NOS1AP: variants seen among roughly 807,000 people sequenced by gnomAD.
The protein encoded by NOS1AP is carboxyl-terminal PDZ ligand of neuronal nitric oxide synthase protein.
A neutral mutation model predicts 56.2 loss-of-function variants in NOS1AP; 21 were observed. That is an observed-to-expected ratio of 0.37 (90% CI 0.26 to 0.54). The LOEUF is 0.54. Ranked by LOEUF, NOS1AP falls within the 20% of genes least tolerant of loss-of-function variation. The pLI, the probability that NOS1AP is intolerant of heterozygous loss-of-function variation, is 0.84. For missense variants in NOS1AP, 522 were observed against 657.8 expected (o/e 0.79, Z 2.26); for synonymous variants, 270 against 274.6 (o/e 0.98, Z 0.17).
At chr1:162,310,767 C>T (rs1655999981) in intron 4 of NOS1AP, among the ~76,000 whole-genome samples, 1 of 152,182 alleles carries the variant, frequency 6.6e-6, no homozygotes. Flanking sequence ...TACCTTCTAC[C>T]TGTCAACCCT....
At chr1:162,202,174 T>C (rs1052267565) in intron 2 of NOS1AP, among the ~76,000 whole-genome samples, 4 of 152,152 alleles carry the variant, frequency 2.6e-5, no homozygotes, top group African/African-American at 7.2e-5. Flanking sequence ...ATGTTTTATA[T>C]GAAGAAGAAG....
chr1:162,297,838 G>A (rs1281915424), intron 3 of NOS1AP, among the ~76,000 whole-genome samples: 1 of 152,172 alleles, frequency 6.6e-6, no homozygotes, highest in Non-Finnish European at 1.5e-5. Context: ...ATCAACATCA[G>A]AAGATTTTGA....
chr1:162,158,930 T>G (rs924814073), intron 2 of NOS1AP, among the ~76,000 whole-genome samples: 1 of 152,154 alleles, frequency 6.6e-6, no homozygotes, highest in Non-Finnish European at 1.5e-5. Context: ...TTGAAACATG[T>G]TTTTATTTTC....
At chr1:162,292,726 T>C (rs1246896555) in intron 3 of NOS1AP, among the ~76,000 whole-genome samples, 1 of 152,214 alleles carries the variant, frequency 6.6e-6, no homozygotes, top group Non-Finnish European at 1.5e-5. Flanking sequence ...CTGTACTCTG[T>C]CATGGGTGTA....
chr1:162,300,005 C>CCG (rs151098917), intron 3 of NOS1AP, among the ~76,000 whole-genome samples: 1,969 of 152,240 alleles, frequency 0.013, 20 homozygotes, highest in Non-Finnish European at 0.02. Context: ...CGCTTTCCCC[C>CCG]CTCTTGAGTC....
At chr1:162,124,758 G>A (rs1258002782) in intron 1 of NOS1AP, among the ~76,000 whole-genome samples, 1 of 152,032 alleles carries the variant, frequency 6.6e-6, no homozygotes, top group African/African-American at 2.4e-5. Context: ...CCTGACCTCA[G>A]GTGATCTGCC....
At chr1:162,301,242 G>A (rs891987116) in intron 4 of NOS1AP, among the ~76,000 whole-genome samples, 5 of 152,202 alleles carry the variant, frequency 3.3e-5, no homozygotes, top group African/African-American at 1.2e-4. Flanking sequence ...TAGGAGTTGA[G>A]ACCTTTGGGG....
At chr1:162,184,629 T>C (rs1000901755) in intron 2 of NOS1AP, among the ~76,000 whole-genome samples, 3 of 152,178 alleles carry the variant, frequency 2.0e-5, no homozygotes, top group Non-Finnish European at 2.9e-5. Flanking sequence ...CTTTACTCTT[T>C]CCACCACATC....
intron 1 of NOS1AP, among the ~76,000 whole-genome samples, chr1:162,086,965 G>A (rs1223446123): frequency 2.6e-5 from 4 of 152,128 alleles, no homozygotes; most frequent in Non-Finnish European, 5.9e-5. Flanking sequence ...TCTCACCCTC[G>A]TCCAACTGTA....
At chr1:162,256,819 T>C (rs1654044363) in intron 2 of NOS1AP, among the ~76,000 whole-genome samples, 1 of 152,166 alleles carries the variant, frequency 6.6e-6, no homozygotes, top group Admixed American at 6.5e-5. Flanking sequence ...GACGCCTTTT[T>C]TTTGTTTATT....
At position 162,305,652 on chromosome 1, in the gene NOS1AP, G is replaced by A. The variant is rs145589924; in HGVS notation, c.344+4946G>A. Reference sequence around the variant, plus strand: ...AGTATTTCCTCTTTAAAATATTAGCGTTTAATAGAATATCCCAGATATTCT... The same window carrying A: ...AGTATTTCCTCTTTAAAATATTAGCATTTAATAGAATATCCCAGATATTCT... On this transcript the variant is annotated intron_variant, in intron 4 of 9. Coordinates refer to ENST00000361897, the MANE Select transcript of NOS1AP (RefSeq NM_014697.3). 1.7e-3 allele frequency among the ~76,000 whole-genome samples: 252 copies of A among 151,960 alleles called. 2 individuals are homozygous for A. The highest frequency in any genetic ancestry group is 5.4e-3 in the African/African-American group (222 of 41,412).
rs891322231 is a variant in NOS1AP, at chr1:162,333,090, A to G, written c.418A>G (p.Ile140Val). 1.2e-6 allele frequency: 2 copies of G among 1,613,878 alleles called. No individual in the cohort carries two copies. The highest frequency in any genetic ancestry group is 1.7e-5 in the Admixed American group (1 of 60,002). Residue 140 changes from isoleucine (I) to valine (V), a missense_variant, in exon 5 of 10, where the codon ATC (isoleucine) becomes GTC (valine). Ile to Val is a conservative substitution (Grantham distance 29). This residue lies in a region of NOS1AP where 132 missense variants were observed against 218.1 expected (regional missense o/e 0.61). Coordinates refer to ENST00000361897, the MANE Select transcript of NOS1AP (RefSeq NM_014697.3). ...TATCGCTCGAGATGGTGCCAGCAAT[A>G]TCTTCAGGTGTAACGTCTTTAAATC... ...SYIARDGASN[I>V]FRCNVFKSKK...
intron 9 of NOS1AP, among the ~76,000 whole-genome samples, chr1:162,366,214 G>A (rs1017513240): frequency 3.9e-5 from 6 of 152,128 alleles, no homozygotes; most frequent in East Asian, 1.9e-4. Context: ...GAGCCTTTCC[G>A]TGGGTTGTTT....
At chr1:162,304,996 A>G in intron 4 of NOS1AP, among the ~76,000 whole-genome samples, 1 of 152,152 alleles carries the variant, frequency 6.6e-6, no homozygotes, top group South Asian at 2.1e-4. Flanking sequence ...TTGTGGCTTT[A>G]TGAAACGCTG....
chr1:162,232,250 G>T (rs1340992180), intron 2 of NOS1AP, among the ~76,000 whole-genome samples: 1 of 152,192 alleles, frequency 6.6e-6, no homozygotes, highest in African/African-American at 2.4e-5. Flanking sequence ...AGTCCTCGAG[G>T]TGGCAGAAAA....
intron 1 of NOS1AP, among the ~76,000 whole-genome samples, chr1:162,123,186 A>T (rs1648313394): frequency 6.6e-6 from 1 of 152,178 alleles, no homozygotes; most frequent in African/African-American, 2.4e-5. Flanking sequence ...TATCTAAAAC[A>T]CTTGATTCCA....
chr1:162,333,261 C>T (rs1164130440), intron 5 of NOS1AP, 136 bp downstream of exon 5: 3 of 702,884 alleles, frequency 4.3e-6, no homozygotes, highest in Non-Finnish European at 7.8e-6. Context: ...TCTGTCATTG[C>T]TCCTATATAA....
Position 162,226,465 on chromosome 1 carries a change from ACATCTAAATACTTAGTATTTAC to A in NOS1AP, c.178-60867_178-60846del, listed in dbSNP as rs1486929469. ...ATTTACTTAGTAATTCTTAGTATTA[ACATCTAAATACTTAGTATTTAC>A]CATCTAAATACCAAACCTAACATTA... is the stretch of plus-strand genomic sequence containing the variant. On this transcript the variant is annotated intron_variant, in intron 2 of 9. Coordinates refer to ENST00000361897, the MANE Select transcript of NOS1AP (RefSeq NM_014697.3). Among the ~76,000 whole-genome samples the A allele has an allele frequency of 3.3e-5, 5 of 152,194 alleles. No individual in the cohort carries two copies. In the East Asian group the frequency reaches 7.7e-4, roughly 23 times the overall value.
intron 1 of NOS1AP, among the ~76,000 whole-genome samples, chr1:162,081,774 A>ATATTTTTTTTTTTTTTT: frequency 6.8e-5 from 3 of 44,054 alleles, no homozygotes; most frequent in African/African-American, 2.3e-4. Flanking sequence ...ATATATATAT[A>ATATTTTTTTTTTTTTTT]TTTTTTTTTT....
Sources: gnomAD v4.1 joint callset for allele counts (sites outside exome capture counted in the v4.1 genomes callset) on GRCh38, gnomAD v4.1.1 for gene constraint, gnomAD v4.1.1 regional missense constraint, MANE v1.5 for transcripts, NCBI Gene and HGNC (gene_info 2026-07-23, HGNC 2026-07-21) for gene names.